The following MSR1 variants were observed in gnomAD, a reference collection of about 807,000 sequenced individuals.
MSR1 encodes macrophage scavenger receptor types I and II.
Under a neutral mutation model 47.2 loss-of-function variants are expected in MSR1, and 53 were observed. The ratio of observed to expected loss-of-function variants is 1.12; its 90% CI spans 0.90 to 1.41. The LOEUF is 1.41. MSR1 is among the 40% of genes most tolerant of loss of function. The probability of loss-of-function intolerance (pLI) is 0.00; values close to 1 mark genes in which losing one functional copy is unlikely to be tolerated. For missense variants in MSR1, 786 were observed against 546.9 expected, an observed-to-expected ratio of 1.44 and a Z score of -4.36; for synonymous variants, 239 against 185.6, an observed-to-expected ratio of 1.29 and a Z score of -2.34.
intron 4 of MSR1, among the ~76,000 whole-genome samples, chr8:16,167,790 T>C (rs1203624413): frequency 2.0e-5 from 3 of 152,210 alleles, no homozygotes; most frequent in African/African-American, 7.2e-5. Context: ...CTTTCTTATA[T>C]TATTCAAAAC....
At chr8:16,130,311 A>AT (rs1427740577) in intron 8 of MSR1, among the ~76,000 whole-genome samples, 1 of 152,002 alleles carries the variant, frequency 6.6e-6, no homozygotes, top group Non-Finnish European at 1.5e-5. Flanking sequence ...TGTCAGTGTC[A>AT]TTTTTCCAAT....
chr8:16,119,371 G>A (rs1407831821), intron 9 of MSR1, among the ~76,000 whole-genome samples: 1 of 151,864 alleles, frequency 6.6e-6, no homozygotes, highest in Non-Finnish European at 1.5e-5. Context: ...GATTACCGGC[G>A]TGCACCACCA....
chr8:16,122,746 T>C (rs1252074402), intron 8 of MSR1, among the ~76,000 whole-genome samples: 1 of 151,780 alleles, frequency 6.6e-6, no homozygotes, highest in Non-Finnish European at 1.5e-5. Context: ...AATCCTTTCA[T>C]CTCATTTATT....
chr8:16,137,630 T>C (rs1800424071), intron 8 of MSR1, among the ~76,000 whole-genome samples: 2 of 152,146 alleles, frequency 1.3e-5, no homozygotes, highest in Non-Finnish European at 2.9e-5. Context: ...CCACAGTTTA[T>C]AATTCTAGAA....
chr8:16,118,985 G>T (rs1294785576), intron 9 of MSR1, among the ~76,000 whole-genome samples: 1 of 152,118 alleles, frequency 6.6e-6, no homozygotes, highest in African/African-American at 2.4e-5. Context: ...ATGGGACAGG[G>T]ATGGAAAATT....
chr8:16,175,074 G>A, intron 3 of MSR1, 113 bp downstream of exon 3: 1 of 837,544 alleles, frequency 1.2e-6, no homozygotes, highest in South Asian at 1.4e-5. Flanking sequence ...TTGTAATGCA[G>A]TATTTTCTTT....
intron 1 of MSR1, chr8:16,186,144 G>C (rs907819837): frequency 6.5e-7 from 1 of 1,529,694 alleles, no homozygotes; most frequent in Admixed American, 2.0e-5. Context: ...ATAAATGAAA[G>C]TTGTTCATGC....
intron 1 of MSR1, among the ~76,000 whole-genome samples, chr8:16,181,292 A>C (rs1801824011): frequency 6.6e-6 from 1 of 152,142 alleles, no homozygotes; most frequent in Admixed American, 6.5e-5. Flanking sequence ...CAATGGTTGA[A>C]CTAATTTACA....
In MSR1 at chr8:16,140,111, C is replaced by G. The variant is rs964933470; in HGVS notation, c.1033+3447G>C. 4 of 983,518 alleles carry G rather than the reference C, an allele frequency of 4.1e-6. No homozygotes were observed. The African/African-American group carries it at 7.0e-5, about 17-fold the overall frequency. The allele number at this position is 983,518 out of a possible 1,614,324, so 60.9% of individuals were successfully genotyped here. The stretch of plus-strand genomic sequence containing the variant: ...AATGATTGAATGAATGGATTTTCTT[C>G]TATGACATCCCTATCTCTGGTTGAG... On this transcript the variant is annotated intron_variant, in intron 8 of 9. Coordinates refer to ENST00000262101, the MANE Select transcript of MSR1 (RefSeq NM_138715.3).
At chr8:16,185,051 T>C (rs1268028549) in intron 1 of MSR1, among the ~76,000 whole-genome samples, 2 of 152,030 alleles carry the variant, frequency 1.3e-5, no homozygotes, top group Non-Finnish European at 2.9e-5. Flanking sequence ...ATATTCCCTA[T>C]GGCTACATTT....
intron 7 of MSR1, among the ~76,000 whole-genome samples, chr8:16,148,232 G>C (rs896347412): frequency 2.0e-4 from 30 of 152,036 alleles, no homozygotes; most frequent in Non-Finnish European, 1.0e-4. Context: ...AATTGCTTAT[G>C]CATTTTTTTT....
intron 8 of MSR1, among the ~76,000 whole-genome samples, chr8:16,138,672 T>G (rs957769203): frequency 6.6e-6 from 1 of 152,128 alleles, no homozygotes; most frequent in Admixed American, 6.6e-5. Flanking sequence ...AGAAAGCTGC[T>G]CATACTCTAC....
chr8:16,189,867 CA>C (rs1293612963), intron 1 of MSR1, among the ~76,000 whole-genome samples: 2 of 145,808 alleles, frequency 1.4e-5, no homozygotes, highest in Non-Finnish European at 3.0e-5. Context: ...TTCCTTTTCC[CA>C]GGGGGCAATG....
chr8:16,182,770 C>G (rs187123767), intron 1 of MSR1, among the ~76,000 whole-genome samples: 176 of 152,146 alleles, frequency 1.2e-3, no homozygotes, highest in African/African-American at 4.1e-3. Context: ...CAGAATACCT[C>G]CTAAAGGACA....
At chr8:16,174,790 T>C (rs949582390) in intron 3 of MSR1, among the ~76,000 whole-genome samples, 2 of 152,114 alleles carry the variant, frequency 1.3e-5, no homozygotes, top group Non-Finnish European at 2.9e-5. Context: ...TTTTTTTTTA[T>C]ATTATAGCTA....
At chr8:16,111,788 G>C (rs1447529112) in intron 9 of MSR1, among the ~76,000 whole-genome samples, 1 of 152,114 alleles carries the variant, frequency 6.6e-6, no homozygotes, top group Non-Finnish European at 1.5e-5. Flanking sequence ...TTCAAAAACT[G>C]AATGCCATTA....
chr8:16,111,050 A>T (rs1170309225), intron 9 of MSR1, among the ~76,000 whole-genome samples: 2 of 152,162 alleles, frequency 1.3e-5, no homozygotes, highest in African/African-American at 2.4e-5. Flanking sequence ...TTTAGTTCCC[A>T]AATTATCTTA....
At position 16,141,099 on chromosome 8, in the gene MSR1, C is replaced by A. The variant is rs952042813; in HGVS notation, c.1033+2459G>T. ...TTATTTTTAACATATTTTCAGAAAG[C>A]CTTACAAAATTTTAAAGATGCATAT... is the stretch of plus-strand genomic sequence containing the variant. On this transcript the variant is annotated intron_variant, in intron 8 of 9. Coordinates refer to ENST00000262101, the MANE Select transcript of MSR1 (RefSeq NM_138715.3). 3.1e-6 allele frequency: 5 copies of A among 1,601,272 alleles called. No individual in the cohort carries two copies. In the South Asian group the frequency reaches 4.5e-5, roughly 14 times the overall value.
chr8:16,176,081 T>C (rs1422642787), intron 2 of MSR1, among the ~76,000 whole-genome samples: 1 of 152,232 alleles, frequency 6.6e-6, no homozygotes, highest in Non-Finnish European at 1.5e-5. Flanking sequence ...ATTTATTTTC[T>C]ATGGTCATTG....
Sources: gnomAD v4.1 joint callset for allele counts (sites outside exome capture counted in the v4.1 genomes callset) on GRCh38, gnomAD v4.1.1 for gene constraint, MANE v1.5 for transcripts, NCBI Gene and HGNC (gene_info 2026-07-23, HGNC 2026-07-21) for gene names.